JARID2: variants seen among roughly 807,000 people sequenced by gnomAD.
The protein encoded by JARID2 is jumonji and AT-rich interaction domain containing 2, also known as protein Jumonji.
A neutral mutation model predicts 125.6 loss-of-function variants in JARID2; 21 were observed. The ratio of observed to expected loss-of-function variants is 0.17; its 90% CI spans 0.12 to 0.24. The LOEUF (loss-of-function observed/expected upper bound fraction) is 0.24. JARID2 is among the 10% of genes least tolerant of loss of function. The pLI, the probability that JARID2 is intolerant of heterozygous loss-of-function variation, is 1.00. For missense variants in JARID2, 1,303 were observed against 1,639.6 expected, an observed-to-expected ratio of 0.79 and a Z score of 3.55; for synonymous variants, 736 against 661.6, an observed-to-expected ratio of 1.11 and a Z score of -1.73.
At chr6:15,301,167 A>C (rs1042005960) in intron 1 of JARID2, among the ~76,000 whole-genome samples, 19 of 152,260 alleles carry the variant, frequency 1.2e-4, no homozygotes, top group African/African-American at 3.6e-4. Flanking sequence ...AAGGAACAGC[A>C]AGGGCCACAT....
chr6:15,410,175 C>T (rs1397138129), intron 2 of JARID2, 49 bp from the exon 3 acceptor site: 7 of 1,564,110 alleles, frequency 4.5e-6, no homozygotes, highest in Non-Finnish European at 4.4e-6. Flanking sequence ...TAAAGTGCTG[C>T]CTCCTGATGT....
chr6:15,386,587 A>G (rs1468666362), intron 2 of JARID2, among the ~76,000 whole-genome samples: 3 of 152,110 alleles, frequency 2.0e-5, no homozygotes, highest in African/African-American at 7.2e-5. Flanking sequence ...CCCCCCTCCT[A>G]CTGGCATTAC....
chr6:15,403,515 G>A (rs1028771370), intron 2 of JARID2, among the ~76,000 whole-genome samples: 1 of 152,070 alleles, frequency 6.6e-6, no homozygotes, highest in Non-Finnish European at 1.5e-5. Context: ...GTAGCTCAAG[G>A]CGTTTATTGC....
intron 1 of JARID2, among the ~76,000 whole-genome samples, chr6:15,370,567 T>G (rs1764130317): frequency 6.6e-6 from 1 of 151,928 alleles, no homozygotes; most frequent in Non-Finnish European, 1.5e-5. Context: ...GGTCTCGATC[T>G]CCTGACCTTG....
chr6:15,299,840 A>G (rs1050291052), intron 1 of JARID2, among the ~76,000 whole-genome samples: 1 of 152,038 alleles, frequency 6.6e-6, no homozygotes, highest in Non-Finnish European at 1.5e-5. Context: ...TTTTTCTGGT[A>G]GTTTGACCTG....
At chr6:15,501,570 C>T (rs1021931364) in intron 8 of JARID2, among the ~76,000 whole-genome samples, 161 bp downstream of exon 8, 7 of 152,132 alleles carry the variant, frequency 4.6e-5, no homozygotes, top group Admixed American at 6.5e-5. Flanking sequence ...TTAGTCCTCT[C>T]GTGTTGCTGA....
chr6:15,329,177 T>TGG (rs200939545), intron 1 of JARID2, among the ~76,000 whole-genome samples: 1 of 46,410 alleles, frequency 2.2e-5, no homozygotes, highest in East Asian at 6.2e-4. Context: ...CTCTTTAATA[T>TGG]GGTTTTTTTT....
intron 1 of JARID2, among the ~76,000 whole-genome samples, chr6:15,373,772 A>G (rs1014716457): frequency 6.6e-6 from 1 of 152,192 alleles, no homozygotes; most frequent in Non-Finnish European, 1.5e-5. Context: ...AAAATGATCC[A>G]TTATCCTTCT....
intron 2 of JARID2, among the ~76,000 whole-genome samples, chr6:15,374,614 ATCTT>A (rs1764285556): frequency 6.6e-6 from 1 of 152,176 alleles, no homozygotes; most frequent in African/African-American, 2.4e-5. Context: ...AATAGCCTAA[ATCTT>A]TCTGTCTACT....
At chr6:15,261,379 A>C (rs1464112786) in intron 1 of JARID2, among the ~76,000 whole-genome samples, 1 of 134,836 alleles carries the variant, frequency 7.4e-6, no homozygotes, top group African/African-American at 2.9e-5. Flanking sequence ...CAGTGGCGCT[A>C]TCTTGGCTCA....
At chr6:15,417,872 C>T (rs1266503816) in intron 3 of JARID2, among the ~76,000 whole-genome samples, 1 of 152,234 alleles carries the variant, frequency 6.6e-6, no homozygotes, top group Non-Finnish European at 1.5e-5. Flanking sequence ...TATGCACATC[C>T]TTTCGAGACT....
intron 3 of JARID2, among the ~76,000 whole-genome samples, chr6:15,442,685 A>G (rs1424348784): frequency 2.0e-5 from 3 of 152,214 alleles, no homozygotes; most frequent in African/African-American, 7.2e-5. Context: ...TGTGACTGAC[A>G]GAACAAAAGG....
At chr6:15,367,899 G>A (rs1053391120) in intron 1 of JARID2, among the ~76,000 whole-genome samples, 5 of 152,156 alleles carry the variant, frequency 3.3e-5, no homozygotes, top group African/African-American at 4.8e-5. Flanking sequence ...CCCATTCTGC[G>A]AGCTTTACTG....
chr6:15,335,235 G>C (rs1212014076), intron 1 of JARID2, among the ~76,000 whole-genome samples: 2 of 152,170 alleles, frequency 1.3e-5, no homozygotes, highest in Non-Finnish European at 2.9e-5. Flanking sequence ...AAGTAGCTGG[G>C]ATTACAGGCA....
intron 8 of JARID2, among the ~76,000 whole-genome samples, chr6:15,503,735 G>A (rs1326529406): frequency 6.6e-5 from 10 of 152,294 alleles, no homozygotes; most frequent in Non-Finnish European, 1.2e-4. Flanking sequence ...AAATGTGCCC[G>A]GTCAAGTAAG....
At chr6:15,315,996 ACACGAGTCCTGCTT>A (rs1762167587) in intron 1 of JARID2, among the ~76,000 whole-genome samples, 1 of 152,162 alleles carries the variant, frequency 6.6e-6, no homozygotes. Flanking sequence ...AACACAGTTT[ACACGAGTCCTGCTT>A]CCTTTTTTTT....
chr6:15,462,123 G>C (rs928159555), intron 4 of JARID2, among the ~76,000 whole-genome samples: 1 of 152,126 alleles, frequency 6.6e-6, no homozygotes, highest in African/African-American at 2.4e-5. Flanking sequence ...GCAATTGATA[G>C]TAATTTTGTC....
chr6:15,275,515 C>T (rs1760461663), intron 1 of JARID2, among the ~76,000 whole-genome samples: 1 of 59,836 alleles, frequency 1.7e-5, no homozygotes, highest in Non-Finnish European at 3.4e-5. Context: ...TAATTAAAGT[C>T]CATTTACCGC....
intron 2 of JARID2, among the ~76,000 whole-genome samples, chr6:15,385,099 TA>T (rs1203168725): frequency 6.6e-6 from 1 of 152,234 alleles, no homozygotes; most frequent in Non-Finnish European, 1.5e-5. Flanking sequence ...CCTATGCTCT[TA>T]ATGTGAAAGC....
Sources: allele counts gnomAD v4.1 joint callset (sites outside exome capture counted in the v4.1 genomes callset), GRCh38; gene constraint gnomAD v4.1.1; transcripts MANE v1.5; gene names NCBI Gene and HGNC (gene_info 2026-07-23, HGNC 2026-07-21).